Variants in ADCY7 observed in about 807,000 individuals in gnomAD.
The protein encoded by ADCY7 is adenylate cyclase 7, also known as adenylate cyclase type 7.
In ADCY7, 72 loss-of-function variants were observed where a neutral mutation model predicts 120.6. The observed-to-expected ratio is 0.60, with a 90% CI of 0.49 to 0.73. The LOEUF is 0.73. Ranked by LOEUF, ADCY7 falls within the 30% of genes least tolerant of loss-of-function variation. The probability of loss-of-function intolerance (pLI) is 0.00; values close to 1 mark genes in which losing one functional copy is unlikely to be tolerated. For missense variants in ADCY7, 1,227 were observed against 1,486.0 expected (o/e 0.83, Z 2.87); for synonymous variants, 661 against 628.0 (o/e 1.05, Z -0.78).
intron 3 of ADCY7, among the ~76,000 whole-genome samples, chr16:50,291,461 G>C (rs1470444916): frequency 6.6e-6 from 1 of 152,202 alleles, no homozygotes; most frequent in Non-Finnish European, 1.5e-5. Context: ...GGCACCAGGT[G>C]GGGGCTCCCT....
intron 10 of ADCY7, among the ~76,000 whole-genome samples, chr16:50,302,847 G>T (rs1555523729): frequency 6.6e-6 from 1 of 152,188 alleles, no homozygotes; most frequent in Non-Finnish European, 1.5e-5. Flanking sequence ...TGTGTGCAGG[G>T]TGCTCGTCTG....
intron 19 of ADCY7, among the ~76,000 whole-genome samples, chr16:50,311,106 G>A (rs1379256636): frequency 2.6e-5 from 4 of 152,194 alleles, no homozygotes; most frequent in South Asian, 4.1e-4. Context: ...GGCCAGTCTA[G>A]TGGTGGGGAG....
At position 50,315,500 on chromosome 16, in the gene ADCY7, A is replaced by T. The variant is rs764798602; in HGVS notation, c.3238A>T (p.Asn1080Tyr). ...TGCCAAGTTTCAGGGGCTGGGGCTGAACTGAGGGCTCCTGCTGGATTCCGA... is the reference window on the plus strand; with the variant it reads ...TGCCAAGTTTCAGGGGCTGGGGCTGTACTGAGGGCTCCTGCTGGATTCCGA... ...DTAKFQGLGLN is the reference protein window; with the variant it reads ...DTAKFQGLGLY Residue 1080 changes from asparagine (N) to tyrosine (Y), a missense_variant, in exon 26 of 26, where the codon AAC becomes TAC. Physicochemically the swap from Asn to Tyr is moderately radical, Grantham distance 143 (BLOSUM62 -2). Coordinates refer to ENST00000673801, the MANE Select transcript of ADCY7 (RefSeq NM_001114.5). 1 of 1,610,184 alleles carries T rather than the reference A, an allele frequency of 6.2e-7. No homozygotes were observed. The highest frequency in any genetic ancestry group is 1.7e-5 in the Admixed American group (1 of 59,970).
chr16:50,287,008 T>C (rs1414400702), intron 1 of ADCY7, among the ~76,000 whole-genome samples: 3 of 133,420 alleles, frequency 2.2e-5, no homozygotes, highest in African/African-American at 8.5e-5. Flanking sequence ...CATGTAGCCA[T>C]TGGGTATTTG....
chr16:50,264,261 T>C (rs142406716), upstream of ADCY7, among the ~76,000 whole-genome samples: 600 of 152,378 alleles, frequency 3.9e-3, 1 homozygote, highest in Middle Eastern at 0.017. Flanking sequence ...TCACTGTCCT[T>C]GCCATCTTGG....
chr16:50,260,078 G>A (rs1402907345), intron 1 of ADCY7, among the ~76,000 whole-genome samples: 1 of 152,240 alleles, frequency 6.6e-6, no homozygotes, highest in Non-Finnish European at 1.5e-5. Flanking sequence ...TGGAAGAGCT[G>A]GGGGGCGTGA....
At chr16:50,300,565 G>A in intron 8 of ADCY7, 150 bp from the exon 9 acceptor site, 1 of 936,888 alleles carries the variant, frequency 1.1e-6, no homozygotes, top group Non-Finnish European at 1.6e-6. Context: ...TTCCTGAAGA[G>A]GCAGCCCCAT....
intron 1 of ADCY7, among the ~76,000 whole-genome samples, chr16:50,270,186 G>GATAT (rs1480047195): frequency 6.0e-5 from 9 of 150,012 alleles, no homozygotes; most frequent in Non-Finnish European, 1.0e-4. Flanking sequence ...CAGATAGATA[G>GATAT]ATAGATAGAT....
At chr16:50,248,105 T>C (rs1230638319) in intron 1 of ADCY7, among the ~76,000 whole-genome samples, 1 of 152,178 alleles carries the variant, frequency 6.6e-6, no homozygotes, top group Non-Finnish European at 1.5e-5. Context: ...TTCTCATGTG[T>C]TCTTGGTGGA....
chr16:50,283,234 T>C (rs2034385855), intron 1 of ADCY7, among the ~76,000 whole-genome samples: 1 of 152,184 alleles, frequency 6.6e-6, no homozygotes, highest in Admixed American at 6.5e-5. Context: ...GAAAGGGGCA[T>C]TGCTTGTCCC....
intron 1 of ADCY7, among the ~76,000 whole-genome samples, chr16:50,286,677 C>G (rs148951470): frequency 2.0e-5 from 3 of 152,200 alleles, no homozygotes; most frequent in Non-Finnish European, 4.4e-5. Flanking sequence ...GTGATTGCAC[C>G]AGGACCATGG....
At position 50,308,947 on chromosome 16, in the gene ADCY7, C is replaced by T. The variant is rs535579832; in HGVS notation, c.2061+155C>T. ...GGTTCCCCTTTGTACACTCAGGGCT[C>T]CTCACCTTTGGGTTCTCAAATGCGG... On this transcript the variant is annotated intron_variant, in intron 17 of 25. Transcript: ENST00000673801. 27 of 943,680 alleles carry T rather than the reference C, an allele frequency of 2.9e-5. No individual in the cohort carries two copies. In the South Asian group the frequency reaches 5.8e-4, roughly 20 times the overall value. 58.5% of individuals were successfully genotyped at this position (943,680 alleles called of 1,614,324 possible).
In ADCY7 at chr16:50,298,919, C is replaced by T. The variant is rs777674981; in HGVS notation, c.964C>T (p.Arg322Ter). 3.1e-6 allele frequency: 5 copies of T among 1,613,828 alleles called. No individual in the cohort carries two copies. Among genetic ancestry groups the T allele is most frequent in the Non-Finnish European group, 3.4e-6 (4 of 1,179,874 alleles). The change falls in exon 8 of 26, where the codon CGA becomes TGA. Residue 322 changes from arginine (R) to a stop codon, truncating the protein, a stop_gained. Transcript: ENST00000673801. LOFTEE classifies it high-confidence loss of function. ...DQIAKANECM[R>*]IKILGDCYYC... ...CACCCTGCAGGCCAACGAGTGCATGCGAATCAAGATCCTCGGCGACTGCTA... is the reference window on the plus strand; with the variant it reads ...CACCCTGCAGGCCAACGAGTGCATGTGAATCAAGATCCTCGGCGACTGCTA...
At chr16:50,292,280 T>A (rs555450824) in intron 4 of ADCY7, among the ~76,000 whole-genome samples, 1 of 152,334 alleles carries the variant, frequency 6.6e-6, no homozygotes, top group African/African-American at 2.4e-5. Context: ...AATGAGTGAA[T>A]CTTCTGTTCA....
At chr16:50,270,490 C>G (rs577137813) in intron 1 of ADCY7, among the ~76,000 whole-genome samples, 1 of 152,172 alleles carries the variant, frequency 6.6e-6, no homozygotes, top group South Asian at 2.1e-4. Context: ...GGTAAAGGTA[C>G]CCCCTGCATC....
At chr16:50,312,219 G>C (rs780750546) in intron 21 of ADCY7, 28 bp downstream of exon 21, 216 of 1,612,048 alleles carry the variant, frequency 1.3e-4, no homozygotes, top group Non-Finnish European at 1.7e-4. Flanking sequence ...TGGGGCGGGG[G>C]CAGGGAGGCG....
intron 17 of ADCY7, 128 bp downstream of exon 17, chr16:50,308,920 G>A: frequency 7.9e-7 from 1 of 1,264,606 alleles, no homozygotes; most frequent in Non-Finnish European, 1.1e-6. Flanking sequence ...GTGGATGTGG[G>A]GGGTTCCCCT....
chr16:50,281,338 C>T (rs1175736173), intron 1 of ADCY7, among the ~76,000 whole-genome samples: 1 of 152,220 alleles, frequency 6.6e-6, no homozygotes, highest in Non-Finnish European at 1.5e-5. Flanking sequence ...GTGCAGGCAT[C>T]CTCCCAGAGG....
chr16:50,292,585 G>A, intron 4 of ADCY7, 91 bp from the exon 5 acceptor site: 2 of 1,483,480 alleles, frequency 1.3e-6, no homozygotes, highest in Middle Eastern at 1.8e-4. Flanking sequence ...GGAATGGGAA[G>A]AGGTGCCATC....
Sources: allele counts gnomAD v4.1 joint callset (sites outside exome capture counted in the v4.1 genomes callset), GRCh38; gene constraint gnomAD v4.1.1; transcripts MANE v1.5; gene names NCBI Gene and HGNC (gene_info 2026-07-23, HGNC 2026-07-21).